MPPED2: variants seen among roughly 807,000 people sequenced by gnomAD.
The protein encoded by MPPED2 is metallophosphoesterase domain containing 2.
MPPED2 carries 5 observed loss-of-function variants against 33.0 expected under a neutral mutation model. The observed-to-expected ratio is 0.15, with a 90% CI of 0.08 to 0.32. MPPED2 has a LOEUF of 0.32. MPPED2 is among the 10% of genes least tolerant of loss of function. The probability of loss-of-function intolerance (pLI) is 1.00; values close to 1 mark genes in which losing one functional copy is unlikely to be tolerated. For missense variants in MPPED2, 275 were observed against 372.1 expected (o/e 0.74, Z 2.15); for synonymous variants, 136 against 141.9 (o/e 0.96, Z 0.29).
At chr11:30,430,457 A>C (rs1240792121) in intron 4 of MPPED2, among the ~76,000 whole-genome samples, 1 of 152,210 alleles carries the variant, frequency 6.6e-6, no homozygotes, top group Non-Finnish European at 1.5e-5. Context: ...ATTTTATTTT[A>C]TGTTTTTACT....
chr11:30,435,859 G>GT (rs200904824), intron 4 of MPPED2, among the ~76,000 whole-genome samples: 2 of 152,006 alleles, frequency 1.3e-5, no homozygotes, highest in African/African-American at 2.4e-5. Flanking sequence ...TAAACCTCAT[G>GT]TTTTTTTCCC....
At chr11:30,450,682 T>C (rs553424315) in intron 4 of MPPED2, among the ~76,000 whole-genome samples, 4 of 152,334 alleles carry the variant, frequency 2.6e-5, no homozygotes, top group Admixed American at 1.3e-4. Flanking sequence ...GTGAACTTCC[T>C]AGGGGCCTGT....
chr11:30,507,633 TC>T lies in MPPED2; in HGVS notation c.311-12113del, dbSNP rs1388499113. On this transcript the variant is annotated intron_variant, in intron 3 of 6. Transcript: ENST00000358117. ...AGAGGGAATGGAGACCATATTCATT[TC>T]CTTTTCCATTCTGCTTTCTCCACCC... Among the ~76,000 whole-genome samples the T allele has an allele frequency of 5.3e-5, 8 of 152,324 alleles. No homozygotes were observed. In the East Asian group the frequency reaches 1.4e-3, roughly 26 times the overall value.
At chr11:30,551,297 C>A (rs753496875) in intron 2 of MPPED2, among the ~76,000 whole-genome samples, 1 of 152,162 alleles carries the variant, frequency 6.6e-6, no homozygotes, top group Non-Finnish European at 1.5e-5. Flanking sequence ...TATTATTAAT[C>A]CCATTTTACA....
intron 1 of MPPED2, 122 bp from the exon 2 acceptor site, chr11:30,580,616 C>T: frequency 2.1e-6 from 2 of 946,600 alleles, no homozygotes; most frequent in Non-Finnish European, 2.9e-6. Context: ...GTGTTGTTGG[C>T]TCATGGATAC....
chr11:30,426,682 C>T (rs987107714), intron 4 of MPPED2, among the ~76,000 whole-genome samples: 1 of 152,232 alleles, frequency 6.6e-6, no homozygotes, highest in Admixed American at 6.5e-5. Flanking sequence ...TCATAGGTAG[C>T]AGTGCCCTGG....
At chr11:30,421,940 G>C (rs1231664918) in intron 4 of MPPED2, among the ~76,000 whole-genome samples, 1 of 152,146 alleles carries the variant, frequency 6.6e-6, no homozygotes, top group East Asian at 1.9e-4. Flanking sequence ...CTTTCCACAA[G>C]ACAGTGGCAG....
chr11:30,547,552 T>C (rs1271983879), intron 2 of MPPED2, among the ~76,000 whole-genome samples: 2 of 152,250 alleles, frequency 1.3e-5, no homozygotes, highest in African/African-American at 2.4e-5. Context: ...TTCTGGCCTA[T>C]CTAAACCATG....
chr11:30,450,370 A>T (rs1172390287), intron 4 of MPPED2, among the ~76,000 whole-genome samples: 1 of 152,270 alleles, frequency 6.6e-6, no homozygotes, highest in Admixed American at 6.5e-5. Context: ...GACATTGTGT[A>T]TAAGTTATTC....
rs532461953 is a variant in MPPED2, at chr11:30,500,732, T to C, written c.311-5211A>G. Reference sequence around the variant, plus strand: ...CTTTTGCATGTGACTTGTATCCCCATAGACTTGAAGACATGGATCATGGCT... The same window carrying C: ...CTTTTGCATGTGACTTGTATCCCCACAGACTTGAAGACATGGATCATGGCT... On this transcript the variant is annotated intron_variant, in intron 3 of 6. Coordinates refer to ENST00000358117, the MANE Select transcript of MPPED2 (RefSeq NM_001584.3). Among the ~76,000 whole-genome samples, 5 of 152,342 alleles carry C rather than the reference T, an allele frequency of 3.3e-5. No individual in the cohort carries two copies. The East Asian group carries it at 9.7e-4, about 29-fold the overall frequency.
At chr11:30,478,493 A>C (rs1951323609) in intron 4 of MPPED2, among the ~76,000 whole-genome samples, 4 of 152,130 alleles carry the variant, frequency 2.6e-5, no homozygotes, top group Admixed American at 2.6e-4. Flanking sequence ...CTGTGGGTTA[A>C]TGGATGTTCA....
At chr11:30,450,168 C>T (rs1358179257) in intron 4 of MPPED2, among the ~76,000 whole-genome samples, 1 of 152,132 alleles carries the variant, frequency 6.6e-6, no homozygotes, top group African/African-American at 2.4e-5. Flanking sequence ...TCTTTATTCC[C>T]CTACAATATG....
At chr11:30,386,996 A>G in exon 7 of MPPED2, 1 of 381,800 alleles carries the variant, frequency 2.6e-6, no homozygotes, top group Non-Finnish European at 4.6e-6. Flanking sequence ...ATCAGAAAAC[A>G]AGGCCACATA....
chr11:30,458,828 G>A (rs1303362348), intron 4 of MPPED2, among the ~76,000 whole-genome samples: 1 of 151,240 alleles, frequency 6.6e-6, no homozygotes, highest in Non-Finnish European at 1.5e-5. Context: ...TCTAAAGCTG[G>A]ATGAGTGAGA....
chr11:30,429,335 G>A (rs1022515070), intron 4 of MPPED2: 3 of 152,142 alleles, frequency 2.0e-5, no homozygotes, highest in Non-Finnish European at 2.9e-5. Context: ...AAGCTCGGGG[G>A]AATTGGAATA....
intron 2 of MPPED2, among the ~76,000 whole-genome samples, chr11:30,572,206 A>G (rs1956726546): frequency 1.3e-5 from 2 of 152,316 alleles, no homozygotes; most frequent in Middle Eastern, 3.4e-3. Context: ...CAACAAACAA[A>G]TAAACAAAAA....
chr11:30,535,903 C>T (rs1954784023), intron 3 of MPPED2, 91 bp downstream of exon 3: 1 of 1,120,358 alleles, frequency 8.9e-7, no homozygotes. Context: ...GCTGAGCTGG[C>T]TTCCAAGTGC....
chr11:30,583,659 C>T (rs1957301210), intron 1 of MPPED2, among the ~76,000 whole-genome samples: 1 of 152,100 alleles, frequency 6.6e-6, no homozygotes, highest in South Asian at 2.1e-4. Context: ...AGTCGGCTGG[C>T]AATGAAGGGA....
chr11:30,418,669 C>T (rs1037977319), intron 4 of MPPED2, among the ~76,000 whole-genome samples: 10 of 152,220 alleles, frequency 6.6e-5, no homozygotes, highest in African/African-American at 2.4e-4. Flanking sequence ...GCCCAACTTA[C>T]CCTTTCAGTT....
Sources: allele counts gnomAD v4.1 joint callset (sites outside exome capture counted in the v4.1 genomes callset), GRCh38; gene constraint gnomAD v4.1.1; transcripts MANE v1.5; gene names NCBI Gene and HGNC (gene_info 2026-07-23, HGNC 2026-07-21).